ATP11A: variants seen among roughly 807,000 people sequenced by gnomAD.
ATP11A encodes ATPase phospholipid transporting 11A, also known as phospholipid-transporting ATPase IH.
Under a neutral mutation model 154.4 loss-of-function variants are expected in ATP11A, and 81 were observed. That is an observed-to-expected ratio of 0.52 (90% CI 0.44 to 0.63). ATP11A has a LOEUF of 0.63. ATP11A is among the 30% of genes least tolerant of loss of function. ATP11A has a pLI of 0.00. For synonymous variants in ATP11A, 623 were observed against 585.9 expected (o/e 1.06, Z -0.91); for missense variants, 1,316 against 1,474.3 (o/e 0.89, Z 1.76).
At chr13:112,703,126 G>A (rs929933315) in intron 1 of ATP11A, among the ~76,000 whole-genome samples, 1 of 152,222 alleles carries the variant, frequency 6.6e-6, no homozygotes, top group Non-Finnish European at 1.5e-5. Context: ...GAATACTGCA[G>A]GCTGCATGGT....
Position 112,834,625 on chromosome 13 carries a change from C to T in ATP11A, c.1596C>T (p.Tyr532=). The T allele has an allele frequency of 6.2e-7, 1 of 1,614,010 alleles. No homozygotes were observed. Residue 532 remains tyrosine, a synonymous_variant, in exon 15 of 30, where the codon TAC becomes TAT. Transcript: ENST00000375645. ...GFTYLRLKDN[Y]MEILNRENHI... ...CCTACCTAAGGCTGAAGGACAATTACATGGAGATATTAAACAGGGAGAACC... is the reference window on the plus strand; with the variant it reads ...CCTACCTAAGGCTGAAGGACAATTATATGGAGATATTAAACAGGGAGAACC...
In ATP11A at chr13:112,831,378, G is replaced by A; in HGVS notation, c.1225G>A (p.Glu409Lys). Residue 409 changes from glutamate to lysine, a missense_variant, in exon 13 of 30, where the codon GAG becomes AAG. This residue lies in a region of ATP11A where 876 missense variants were observed against 1,006.8 expected (regional missense o/e 0.87). Transcript: ENST00000375645. ...SDLNEELGQVEYIFTDKTGTL... is the reference protein window; with the variant it reads ...SDLNEELGQVKYIFTDKTGTL... ...ACTTGCTGTGCCCTGCCCGCAGGTG[G>A]AGTACATCTTCACAGACAAGACCGG... The A allele has an allele frequency of 6.2e-7, 1 of 1,614,000 alleles. No homozygotes were observed.
chr13:112,740,013 G>A (rs1178496803), intron 1 of ATP11A, among the ~76,000 whole-genome samples: 1 of 151,958 alleles, frequency 6.6e-6, no homozygotes, highest in Non-Finnish European at 1.5e-5. Flanking sequence ...TGCCTTCTTG[G>A]GATGATGAAA....
At chr13:112,761,892 C>T (rs2076972662) in intron 1 of ATP11A, among the ~76,000 whole-genome samples, 1 of 152,194 alleles carries the variant, frequency 6.6e-6, no homozygotes, top group Non-Finnish European at 1.5e-5. Context: ...CATAGTGAAC[C>T]TGCAGCAGGG....
In ATP11A at chr13:112,862,566, C is replaced by T. The variant is rs755197198; in HGVS notation, c.2982C>T (p.Ser994=). The part of the protein sequence containing the change: ...YFVFENTTVT[S]NGQIFGNWTF... ...TGTTTGAAAATACAACTGTGACAAGCAACGGGCAGGTCAGTACAGAGCTCG... is the reference window on the plus strand; with the variant it reads ...TGTTTGAAAATACAACTGTGACAAGTAACGGGCAGGTCAGTACAGAGCTCG... The change falls in exon 25 of 30, where the codon AGC becomes AGT. Residue 994 remains serine, a synonymous_variant. Transcript: ENST00000375645. 80 of 1,614,076 alleles carry T rather than the reference C, an allele frequency of 5.0e-5. No homozygotes were observed. The highest frequency in any genetic ancestry group is 6.8e-5 in the Non-Finnish European group (80 of 1,180,022).
chr13:112,795,601 GTGACTTTGTTAC>G (rs963992298), intron 2 of ATP11A, among the ~76,000 whole-genome samples: 8 of 152,296 alleles, frequency 5.3e-5, no homozygotes, highest in Admixed American at 5.2e-4. Context: ...TTTCATTAAT[GTGACTTTGTTAC>G]TGAGTGATGT....
intron 1 of ATP11A, among the ~76,000 whole-genome samples, chr13:112,728,532 G>A (rs1335849129): frequency 7.4e-6 from 1 of 135,010 alleles, no homozygotes; most frequent in Non-Finnish European, 1.5e-5. Flanking sequence ...GGAGGGGGCC[G>A]TGAGACTGTG....
rs1244929894 is a variant in ATP11A at position 112,697,216 on chromosome 13, C to A, written c.39+6761C>A. 6.6e-6 allele frequency among the ~76,000 whole-genome samples: 1 copy of A among 152,170 alleles called. No individual in the cohort carries two copies. Among genetic ancestry groups the A allele is most frequent in the Non-Finnish European group, 1.5e-5 (1 of 68,022 alleles). ...GGCTCCGGTGCTGGCCTCTGCCTTCCCCAGGGCCACGGTGGGCTCCTAGTG... is the reference window on the plus strand; with the variant it reads ...GGCTCCGGTGCTGGCCTCTGCCTTCACCAGGGCCACGGTGGGCTCCTAGTG... On this transcript the variant is annotated intron_variant, in intron 1 of 29. Transcript: ENST00000375645. This position sits in a 1 kb window ranked among gnomAD's most constrained non-coding sequence, Gnocchi z 4.0.
chr13:112,805,731 A>G (rs1412120702), intron 3 of ATP11A, among the ~76,000 whole-genome samples: 1 of 152,028 alleles, frequency 6.6e-6, no homozygotes, highest in African/African-American at 2.4e-5. Flanking sequence ...GACAGTACAC[A>G]TGAAAAGAGA....
chr13:112,819,233 T>C (rs1249056150), intron 6 of ATP11A, 71 bp from the exon 7 acceptor site: 1 of 1,300,426 alleles, frequency 7.7e-7, no homozygotes, highest in African/African-American at 1.5e-5. Flanking sequence ...AATCACTTGG[T>C]TGGAGGCACC....
chr13:112,798,173 G>A (rs2078048674), intron 2 of ATP11A, among the ~76,000 whole-genome samples: 1 of 152,244 alleles, frequency 6.6e-6, no homozygotes, highest in South Asian at 2.1e-4. Flanking sequence ...ACTCTTGAAG[G>A]CCCCGCCTCC....
In ATP11A at chr13:112,754,634, C is replaced by T. The variant is rs1008699085; in HGVS notation, c.40-30501C>T. 2.0e-5 allele frequency: 3 copies of T among 152,956 alleles called. No homozygotes were observed. The highest frequency in any genetic ancestry group is 2.9e-5 in the Non-Finnish European group (2 of 68,552). 9.5% of individuals were successfully genotyped at this position (152,956 alleles called of 1,614,324 possible). On this transcript the variant is annotated intron_variant, in intron 1 of 29. Transcript: ENST00000375645. The surrounding 1 kb of genome is among the most constrained non-coding windows in gnomAD (Gnocchi z 5.3). ...CCTCCTGGAGAGGTTGAGCCCCAGA[C>T]TCCTGGGAAGCTGTTCCCCCACGTT...
At chr13:112,803,464 G>A (rs1217335875) in intron 2 of ATP11A, among the ~76,000 whole-genome samples, 3 of 152,218 alleles carry the variant, frequency 2.0e-5, no homozygotes, top group African/African-American at 7.2e-5. Context: ...GGCAGAGGCC[G>A]CAGCACAGGC....
chr13:112,883,324 T>A lies in ATP11A; in HGVS notation c.*1458T>A. 1 of 397,742 alleles carries A rather than the reference T, an allele frequency of 2.5e-6. No homozygotes were observed. The allele number at this position is 397,742 out of a possible 1,614,324, so 24.6% of individuals were successfully genotyped here. On this transcript the variant is annotated 3_prime_UTR_variant, in exon 30 of 30. Coordinates refer to ENST00000375645, the MANE Select transcript of ATP11A (RefSeq NM_015205.3). ...TCTAGAAATAATATTTGACATAGCC[T>A]TAATGGTCCTTAAAGAAGACATTTC...
At position 112,855,899 on chromosome 13, in the gene ATP11A, G is replaced by A. The variant is rs371403785; in HGVS notation, c.2244-12G>A. The A allele has an allele frequency of 6.3e-6, 10 of 1,595,526 alleles. No individual in the cohort carries two copies. Among genetic ancestry groups the A allele is most frequent in the Middle Eastern group, 3.3e-4 (2 of 6,020 alleles). The stretch of plus-strand genomic sequence containing the variant: ...TGATTGAGCAATCTTTCTGACTCAC[G>A]TACTCTAACAGACTTTCAGCAGATA... On this transcript the variant is annotated splice_polypyrimidine_tract_variant and intron_variant, in intron 19 of 29. Coordinates refer to ENST00000375645, the MANE Select transcript of ATP11A (RefSeq NM_015205.3).
In ATP11A at chr13:112,836,206, G is replaced by A; in HGVS notation, c.1660G>A (p.Asp554Asn). The A allele has an allele frequency of 6.2e-7, 1 of 1,612,774 alleles. No individual in the cohort carries two copies. The highest frequency in any genetic ancestry group is 8.5e-7 in the Non-Finnish European group (1 of 1,179,254). The stretch of plus-strand genomic sequence containing the variant: ...TGAATTGCTGGAAATTTTGAGTTTT[G>A]ACTCAGTCAGAAGGAGAATGAGTGT... ...RFELLEILSF[D>N]SVRRRMSVIV... is the part of the protein sequence containing the mutation. Residue 554 changes from aspartate to asparagine, a missense_variant, in exon 16 of 30, where the codon GAC (aspartate) becomes AAC (asparagine). Transcript: ENST00000375645.
chr13:112,728,134 G>A (rs959720221), intron 1 of ATP11A, among the ~76,000 whole-genome samples: 1 of 152,226 alleles, frequency 6.6e-6, no homozygotes, highest in Non-Finnish European at 1.5e-5. Context: ...AGGCCACAGA[G>A]AAAATGGAAT....
chr13:112,843,159 G>A (rs934440320), intron 17 of ATP11A, among the ~76,000 whole-genome samples: 2 of 151,426 alleles, frequency 1.3e-5, no homozygotes, highest in Non-Finnish European at 2.9e-5. Context: ...ATGTCCTAAC[G>A]CCGAGTGACG....
chr13:112,822,859 C>T (rs367582817), intron 8 of ATP11A, among the ~76,000 whole-genome samples: 17 of 152,144 alleles, frequency 1.1e-4, no homozygotes, highest in East Asian at 7.7e-4. Context: ...CAGCTGTTCT[C>T]AACCTGAGGC....
Sources: allele counts gnomAD v4.1 joint callset (sites outside exome capture counted in the v4.1 genomes callset), GRCh38; gene constraint gnomAD v4.1.1; regional missense constraint gnomAD v4.1.1; non-coding constraint Gnocchi (gnomAD v3.1); transcripts MANE v1.5; gene names NCBI Gene and HGNC (gene_info 2026-07-23, HGNC 2026-07-21).